The following PCDHGA9 variants were observed in gnomAD, a reference collection of about 807,000 sequenced individuals.
PCDHGA9 encodes the protein protocadherin gamma subfamily A, 9.
In PCDHGA9, 37 loss-of-function variants were observed where a neutral mutation model predicts 62.5. That is an observed-to-expected ratio of 0.59 (90% CI 0.46 to 0.78). The LOEUF (loss-of-function observed/expected upper bound fraction) is 0.78. Among genes scored for constraint, PCDHGA9 ranks in the 30% least tolerant of loss-of-function variants. PCDHGA9 has a pLI of 0.00. For synonymous variants in PCDHGA9, 459 were observed against 484.6 expected, an observed-to-expected ratio of 0.95 and a Z score of 0.69; for missense variants, 1,138 against 1,166.2, an observed-to-expected ratio of 0.98 and a Z score of 0.35.
chr5:141,415,765 T>G (rs1386091482), intron 1 of PCDHGA9: 1 of 1,364,078 alleles, frequency 7.3e-7, no homozygotes, highest in South Asian at 1.7e-5. Flanking sequence ...TTTTTTTTTT[T>G]TTTTTTTACT....
Position 141,512,106 on chromosome 5 carries a change from T to A in PCDHGA9, c.*933T>A, listed in dbSNP as rs2099884076. 6.6e-6 allele frequency: 1 copy of A among 152,630 alleles called. No homozygotes were observed. Among genetic ancestry groups the A allele is most frequent in the Non-Finnish European group, 1.5e-5 (1 of 68,060 alleles). 9.5% of individuals were successfully genotyped at this position (152,630 alleles called of 1,614,324 possible). On this transcript the variant is annotated 3_prime_UTR_variant, in exon 4 of 4. Transcript: ENST00000573521. ...TAAACCAATAACTAGGCTGGACCCT[T>A]CCCACTACATAATAGGGCTCAGCCC...
In PCDHGA9 at chr5:141,432,867, T is replaced by C; in HGVS notation, c.2424+27491T>C. ...GTAGCGGTGGCCGCGGTCTCCTGCG[T>C]CTTCCTGGCCTTCGTCATCTTGCTG... On this transcript the variant is annotated intron_variant, in intron 1 of 3. Coordinates refer to ENST00000573521, the MANE Select transcript of PCDHGA9 (RefSeq NM_018921.3). The surrounding 1 kb of genome is among the most constrained non-coding windows in gnomAD (Gnocchi z 6.0). 2 of 1,614,182 alleles carry C rather than the reference T, an allele frequency of 1.2e-6. No individual in the cohort carries two copies. The highest frequency in any genetic ancestry group is 1.7e-6 in the Non-Finnish European group (2 of 1,180,010).
intron 1 of PCDHGA9, chr5:141,428,251 T>C (rs761574102): frequency 1.1e-5 from 10 of 893,496 alleles, no homozygotes; most frequent in Middle Eastern, 2.1e-4. Flanking sequence ...ACTGCCAGAC[T>C]TCAGTGACAG....
At chr5:141,417,555 TAGAGA>T (rs926975589) in intron 1 of PCDHGA9, 38 of 335,630 alleles carry the variant, frequency 1.1e-4, no homozygotes, top group Non-Finnish European at 1.5e-4. Context: ...TTGAAAGAGG[TAGAGA>T]AAAGTCAAGT....
chr5:141,407,808 C>T (rs1182707356), intron 1 of PCDHGA9, among the ~76,000 whole-genome samples: 1 of 152,136 alleles, frequency 6.6e-6, no homozygotes, highest in Non-Finnish European at 1.5e-5. Context: ...ATAGAAATAT[C>T]TACTATAATA....
chr5:141,490,951 T>G lies in PCDHGA9; in HGVS notation c.2425-3856T>G, dbSNP rs778168052. On this transcript the variant is annotated intron_variant, in intron 1 of 3. Transcript: ENST00000573521. The surrounding 1 kb of genome is among the most constrained non-coding windows in gnomAD (Gnocchi z 5.4). ...AGCTGTGCTGCACCCACGGCCAGACTGGGAACACTCAGCCCCCCAGCGTCT... is the reference window on the plus strand; with the variant it reads ...AGCTGTGCTGCACCCACGGCCAGACGGGGAACACTCAGCCCCCCAGCGTCT... The G allele has an allele frequency of 6.2e-7, 1 of 1,613,638 alleles. No individual in the cohort carries two copies. The highest frequency in any genetic ancestry group is 1.3e-5 in the African/African-American group (1 of 74,900).
rs549047197 is a variant in PCDHGA9, at chr5:141,502,866, C to CTTTTTTTTTTTTTTT, written c.2484-2513_2484-2512insTTTTTTTTTTTTTTT. Reference sequence around the variant, plus strand: ...GAGCTGCCTAACCCTGACTCTCTGTCTTTTTTTTTTTTTTGACAGGGAGTC... The same window carrying CTTTTTTTTTTTTTTT: ...GAGCTGCCTAACCCTGACTCTCTGTCTTTTTTTTTTTTTTTTTTTTTTTTTTTTTGACAGGGAGTC... On this transcript the variant is annotated intron_variant, in intron 2 of 3. Coordinates refer to ENST00000573521, the MANE Select transcript of PCDHGA9 (RefSeq NM_018921.3). 1.1e-4 allele frequency among the ~76,000 whole-genome samples: 14 copies of CTTTTTTTTTTTTTTT among 128,026 alleles called. 3 individuals are homozygous for CTTTTTTTTTTTTTTT. Among genetic ancestry groups the CTTTTTTTTTTTTTTT allele is most frequent in the Admixed American group, 1.7e-4 (2 of 11,664 alleles). The allele number at this position is 128,026 out of a possible 152,430, so 84.0% of individuals were successfully genotyped here.
chr5:141,505,338 G>T, intron 2 of PCDHGA9, 55 bp from the exon 3 acceptor site: 1 of 1,612,254 alleles, frequency 6.2e-7, no homozygotes, highest in South Asian at 1.1e-5. Flanking sequence ...GGACAGGAGG[G>T]GCATGAGCTG....
chr5:141,508,269 C>T (rs1459186158), intron 3 of PCDHGA9: 1 of 152,186 alleles, frequency 6.6e-6, no homozygotes, highest in East Asian at 1.9e-4. Flanking sequence ...GAGAAAATCC[C>T]GGTCCTTGAC....
intron 1 of PCDHGA9, chr5:141,409,550 C>T (rs764101999): frequency 1.9e-6 from 3 of 1,613,992 alleles, no homozygotes; most frequent in African/African-American, 2.7e-5. Context: ...CGACAACGCC[C>T]CAGTTTTCGA....
intron 1 of PCDHGA9, chr5:141,413,467 G>C: frequency 1.2e-6 from 2 of 1,614,136 alleles, no homozygotes; most frequent in East Asian, 2.2e-5. Context: ...AGACCGGGAG[G>C]AGCTCTGCGC....
At chr5:141,410,117 C>T (rs768592770) in intron 1 of PCDHGA9, 6 of 1,612,766 alleles carry the variant, frequency 3.7e-6, no homozygotes, top group Admixed American at 3.3e-5. Context: ...GGACGCAGCC[C>T]GCCAGCGCCT....
At chr5:141,464,883 T>G (rs995385615) in intron 1 of PCDHGA9, among the ~76,000 whole-genome samples, 1 of 152,086 alleles carries the variant, frequency 6.6e-6, no homozygotes, top group African/African-American at 2.4e-5. Flanking sequence ...GGACTACAGA[T>G]GGATGCCACC....
intron 1 of PCDHGA9, chr5:141,420,239 C>G (rs984335177): frequency 1.3e-6 from 2 of 1,593,300 alleles, no homozygotes; most frequent in African/African-American, 2.7e-5. Flanking sequence ...CATTTTAACT[C>G]CCAGCGTTGA....
chr5:141,464,377 T>A (rs1410334231), intron 1 of PCDHGA9, among the ~76,000 whole-genome samples: 3 of 151,486 alleles, frequency 2.0e-5, no homozygotes, highest in Admixed American at 2.0e-4. Flanking sequence ...TTTTGCAATA[T>A]AAAAAATGCT....
At chr5:141,505,816 C>A (rs1236221927) in intron 3 of PCDHGA9, among the ~76,000 whole-genome samples, 2 of 152,178 alleles carry the variant, frequency 1.3e-5, no homozygotes, top group African/African-American at 4.8e-5. Flanking sequence ...CTTGCTCAAT[C>A]TCTCTAAACC....
At chr5:141,418,478 G>T (rs777772131) in intron 1 of PCDHGA9, 1 of 1,613,858 alleles carries the variant, frequency 6.2e-7, no homozygotes, top group Non-Finnish European at 8.5e-7. Flanking sequence ...AACGCAGAGC[G>T]CTCACCACTT....
At chr5:141,422,777 C>T in intron 1 of PCDHGA9, 1 of 1,613,982 alleles carries the variant, frequency 6.2e-7, no homozygotes, top group Non-Finnish European at 8.5e-7. Context: ...GTTCTCTATG[C>T]CCTACAATCC....
intron 3 of PCDHGA9, among the ~76,000 whole-genome samples, chr5:141,508,711 T>G (rs1201917424): frequency 6.6e-6 from 1 of 152,058 alleles, no homozygotes; most frequent in Admixed American, 6.5e-5. Flanking sequence ...CTCATTCTTT[T>G]CTGTGTGCAG....
Sources: gnomAD v4.1 joint callset for allele counts (sites outside exome capture counted in the v4.1 genomes callset) on GRCh38, gnomAD v4.1.1 for gene constraint, Gnocchi (gnomAD v3.1) non-coding constraint, MANE v1.5 for transcripts, NCBI Gene and HGNC (gene_info 2026-07-23, HGNC 2026-07-21) for gene names.